KIFAP3: variants seen among roughly 807,000 people sequenced by gnomAD.
The protein encoded by KIFAP3 is kinesin associated protein 3.
In KIFAP3, 68 loss-of-function variants were observed where a neutral mutation model predicts 106.5. The ratio of observed to expected loss-of-function variants is 0.64; its 90% CI spans 0.53 to 0.78. KIFAP3 has a LOEUF of 0.78. Among genes scored for constraint, KIFAP3 ranks in the 30% least tolerant of loss-of-function variants. KIFAP3 has a pLI of 0.00. For synonymous variants in KIFAP3, 320 were observed against 311.5 expected (o/e 1.03, Z -0.29); for missense variants, 780 against 941.8 (o/e 0.83, Z 2.25).
intron 10 of KIFAP3, among the ~76,000 whole-genome samples, chr1:170,008,529 T>C (rs763280031): frequency 6.6e-6 from 1 of 152,092 alleles, no homozygotes; most frequent in African/African-American, 2.4e-5. Flanking sequence ...AAGCTCATCA[T>C]CACTGGTCAT....
intron 17 of KIFAP3, among the ~76,000 whole-genome samples, chr1:169,965,421 A>G (rs1665560198): frequency 6.6e-6 from 1 of 152,046 alleles, no homozygotes; most frequent in Non-Finnish European, 1.5e-5. Flanking sequence ...CCCAAAGCAT[A>G]TAAAATATGT....
chr1:169,923,898 T>C (rs1467452415), intron 19 of KIFAP3, among the ~76,000 whole-genome samples: 1 of 152,194 alleles, frequency 6.6e-6, no homozygotes, highest in Non-Finnish European at 1.5e-5. Flanking sequence ...AAGGAATATC[T>C]GGCCTTTTTG....
chr1:169,944,287 G>A (rs1664304371), intron 19 of KIFAP3, among the ~76,000 whole-genome samples: 1 of 152,214 alleles, frequency 6.6e-6, no homozygotes, highest in South Asian at 2.1e-4. Flanking sequence ...CACTGGTACA[G>A]GTGCTGGCTC....
At chr1:169,992,400 A>T in intron 10 of KIFAP3, 145 bp from the exon 11 acceptor site, 1 of 409,290 alleles carries the variant, frequency 2.4e-6, no homozygotes, top group Non-Finnish European at 4.4e-6. Context: ...TCTATTTCAA[A>T]TCCAAAATTT....
Position 170,037,588 on chromosome 1 carries a change from C to T in KIFAP3, c.517+702G>A, listed in dbSNP as rs556980545. 3.3e-5 allele frequency among the ~76,000 whole-genome samples: 5 copies of T among 151,034 alleles called. No individual in the cohort carries two copies. In the South Asian group the frequency reaches 1.0e-3, roughly 31 times the overall value. On this transcript the variant is annotated intron_variant, in intron 5 of 19. Transcript: ENST00000361580. ...CTACTAAAAAAAAAAAAACAAACCA[C>T]ACACAAGGAGTGGTGGCACGTGCCT...
At chr1:170,052,468 G>C (rs912553074) in intron 2 of KIFAP3, among the ~76,000 whole-genome samples, 1 of 152,140 alleles carries the variant, frequency 6.6e-6, no homozygotes, top group Non-Finnish European at 1.5e-5. Flanking sequence ...GAGAAAAAGA[G>C]GGACTCCTTC....
At chr1:170,013,265 T>A (rs138463513) in intron 10 of KIFAP3, among the ~76,000 whole-genome samples, 59 of 152,234 alleles carry the variant, frequency 3.9e-4, no homozygotes, top group African/African-American at 1.4e-3. Context: ...TAACTGTGTA[T>A]GAAATGATTA....
rs191386934 is a variant in KIFAP3, at chr1:170,047,775, C to G, written c.165-909G>C. 5.5e-3 allele frequency among the ~76,000 whole-genome samples: 833 copies of G among 152,168 alleles called. 5 individuals carry two copies. Among genetic ancestry groups the G allele is most frequent in the Non-Finnish European group, 9.0e-3 (612 of 68,006 alleles). On this transcript the variant is annotated intron_variant, in intron 2 of 19. Coordinates refer to ENST00000361580, the MANE Select transcript of KIFAP3 (RefSeq NM_014970.4). ...CCTTTTAAAGTTAGCCCAGGAGATT[C>G]ACTGGGAACCCATTAAGAAACCATT... is the stretch of plus-strand genomic sequence containing the variant.
At chr1:169,924,370 T>C (rs1295500789) in intron 19 of KIFAP3, among the ~76,000 whole-genome samples, 1 of 152,230 alleles carries the variant, frequency 6.6e-6, no homozygotes, top group Non-Finnish European at 1.5e-5. Context: ...TTCGAATTTC[T>C]ATATACAAAT....
chr1:170,031,330 A>G (rs557166246), intron 8 of KIFAP3, among the ~76,000 whole-genome samples: 3 of 151,736 alleles, frequency 2.0e-5, no homozygotes, highest in Non-Finnish European at 4.4e-5. Flanking sequence ...AAACACCAAT[A>G]AACTACATGA....
At chr1:170,084,609 C>T (rs1672074275) in intron 1 of KIFAP3, among the ~76,000 whole-genome samples, 1 of 152,076 alleles carries the variant, frequency 6.6e-6, no homozygotes, top group South Asian at 2.1e-4. Flanking sequence ...TAAAATTTTG[C>T]TTAGCAGAGA....
At chr1:169,995,564 GAAAC>G (rs1667329080) in intron 10 of KIFAP3, among the ~76,000 whole-genome samples, 1 of 151,934 alleles carries the variant, frequency 6.6e-6, no homozygotes, top group African/African-American at 2.4e-5. Context: ...AATGGTAAAA[GAAAC>G]AAAGAGAAAT....
At chr1:170,030,875 T>C (rs1211386756) in intron 8 of KIFAP3, among the ~76,000 whole-genome samples, 3 of 151,742 alleles carry the variant, frequency 2.0e-5, no homozygotes, top group African/African-American at 7.2e-5. Context: ...ATCTTGATTA[T>C]GGTCATTATT....
chr1:169,980,501 T>C (rs190183840), intron 15 of KIFAP3, among the ~76,000 whole-genome samples: 1 of 152,184 alleles, frequency 6.6e-6, no homozygotes, highest in African/African-American at 2.4e-5. Context: ...GGGAAAACTC[T>C]AGGCCTGCAA....
intron 8 of KIFAP3, among the ~76,000 whole-genome samples, chr1:170,028,321 C>A (rs1382222647): frequency 6.6e-6 from 1 of 151,378 alleles, no homozygotes; most frequent in African/African-American, 2.4e-5. Flanking sequence ...ATGTGTTATA[C>A]AGTTTTTTGT....
At chr1:169,945,110 G>A (rs2101821804) in intron 19 of KIFAP3, among the ~76,000 whole-genome samples, 1 of 148,730 alleles carries the variant, frequency 6.7e-6, no homozygotes, top group East Asian at 2.0e-4. Context: ...GCTTGTAGGT[G>A]CCCAAAGCTT....
intron 2 of KIFAP3, among the ~76,000 whole-genome samples, chr1:170,048,373 T>A (rs1353779483): frequency 6.6e-6 from 1 of 151,568 alleles, no homozygotes; most frequent in Non-Finnish European, 1.5e-5. Flanking sequence ...TAGCTGCACA[T>A]CAGAAGGCAT....
upstream of KIFAP3, among the ~76,000 whole-genome samples, chr1:170,078,476 A>G (rs987826763): frequency 6.6e-6 from 1 of 152,188 alleles, no homozygotes; most frequent in Non-Finnish European, 1.5e-5. Flanking sequence ...ATCTGAAATG[A>G]AAGAAGGGAC....
At chr1:170,068,849 A>G (rs1435422580) in intron 1 of KIFAP3, 1 of 152,048 alleles carries the variant, frequency 6.6e-6, no homozygotes, top group African/African-American at 2.4e-5. Flanking sequence ...TAGAAAAAGA[A>G]GAGCAAACAA....
Sources: gnomAD v4.1 joint callset for allele counts (sites outside exome capture counted in the v4.1 genomes callset) on GRCh38, gnomAD v4.1.1 for gene constraint, MANE v1.5 for transcripts, NCBI Gene and HGNC (gene_info 2026-07-23, HGNC 2026-07-21) for gene names.